The following MAGEB10 variants were observed in gnomAD, a reference collection of about 807,000 sequenced individuals.
MAGEB10 encodes the protein melanoma-associated antigen B10.
For missense variants in MAGEB10, 190 were observed against 261.9 expected (o/e 0.73, Z 1.89); for synonymous variants, 99 against 101.0 (o/e 0.98, Z 0.12).
At chrX:27,815,426 T>C (rs1923766389) in intron 1 of MAGEB10, among the ~76,000 whole-genome samples, 1 of 112,106 alleles carries the variant, frequency 8.9e-6, no homozygotes, top group South Asian at 3.7e-4. Context: ...CAAGATTTTT[T>C]CCAAGTCTGC....
At chrX:27,818,748 T>C (rs1379749207) in intron 2 of MAGEB10, among the ~76,000 whole-genome samples, 1 of 112,001 alleles carries the variant, frequency 8.9e-6, no homozygotes, top group Non-Finnish European at 1.9e-5. Context: ...CCTTATTGAA[T>C]GGACTGCAGG....
chrX:27,811,056 T>C (rs781211834), intron 1 of MAGEB10, among the ~76,000 whole-genome samples: 2 of 102,617 alleles, frequency 1.9e-5, no homozygotes, highest in South Asian at 1.0e-3. Context: ...GGTATAGGCC[T>C]CAAGTCCTCA....
Position 27,822,475 on chromosome X carries a change from T to A in MAGEB10, c.*125T>A. ...TTGTGTTAATGTTCTATGTGATGGCTTGGAATTTTTGAAGATGTTGTTCCT... is the reference window on the plus strand; with the variant it reads ...TTGTGTTAATGTTCTATGTGATGGCATGGAATTTTTGAAGATGTTGTTCCT... On this transcript the variant is annotated 3_prime_UTR_variant, in exon 3 of 3. Transcript: ENST00000356790. 1 of 656,209 alleles carries A rather than the reference T, an allele frequency of 1.5e-6. No homozygotes were observed. The highest frequency in any genetic ancestry group is 2.2e-6 in the Non-Finnish European group (1 of 447,950). The allele number at this position is 656,209 out of a possible 1,213,427, so 54.1% of individuals were successfully genotyped here. A position where few individuals can be genotyped will look rare whatever the true frequency, so the allele number is the denominator to read the frequency against.
chrX:27,821,159 G>C (rs1222102274), intron 2 of MAGEB10, 99 bp from the exon 3 acceptor site: 4 of 478,247 alleles, frequency 8.4e-6, no homozygotes, highest in Non-Finnish European at 1.4e-5. Context: ...TTTTCCTTGA[G>C]TAATGCACCA....
Position 27,821,301 on chromosome X carries a change from G to A in MAGEB10, c.-6G>A. Reference sequence around the variant, plus strand: ...TTTTTGGCTGCTGCACCTGAACAGAGTCATCATGCCTCGAGGTCAGAAGAG... The same window carrying A: ...TTTTTGGCTGCTGCACCTGAACAGAATCATCATGCCTCGAGGTCAGAAGAG... On this transcript the variant is annotated 5_prime_UTR_variant, in exon 3 of 3. Transcript: ENST00000356790. 8.3e-7 allele frequency: 1 copy of A among 1,203,942 alleles called. No individual in the cohort carries two copies.
chrX:27,812,863 C>T lies in MAGEB10; in HGVS notation c.-198-4691C>T, dbSNP rs777194435. On this transcript the variant is annotated intron_variant, in intron 1 of 2. Coordinates refer to ENST00000356790, the MANE Select transcript of MAGEB10 (RefSeq NM_182506.3). Reference sequence around the variant, plus strand: ...GCCAGAATTGCAGCCAGGGCCCGTACTGCCACCATGGCCAGTGCACGTTCC... The same window carrying T: ...GCCAGAATTGCAGCCAGGGCCCGTATTGCCACCATGGCCAGTGCACGTTCC... 1.8e-5 allele frequency: 5 copies of T among 280,417 alleles called. No homozygotes were observed. The South Asian group carries it at 2.2e-4, about 12-fold the overall frequency. The allele number at this position is 280,417 out of a possible 1,213,427, so 23.1% of individuals were successfully genotyped here.
intron 1 of MAGEB10, among the ~76,000 whole-genome samples, chrX:27,816,441 T>G (rs1301328360): frequency 8.9e-6 from 1 of 111,753 alleles, no homozygotes; most frequent in South Asian, 3.8e-4. Context: ...TGTCTGTATC[T>G]GCGCCAAGGG....
At chrX:27,810,971 T>C (rs184748699) in intron 1 of MAGEB10, among the ~76,000 whole-genome samples, 82 of 108,390 alleles carry the variant, frequency 7.6e-4, no homozygotes, top group African/African-American at 2.8e-3. Flanking sequence ...AGATTTGTCA[T>C]TCTGAACGCA....
At chrX:27,814,948 G>A (rs972983048) in intron 1 of MAGEB10, among the ~76,000 whole-genome samples, 11 of 112,291 alleles carry the variant, frequency 9.8e-5, no homozygotes, top group Non-Finnish European at 1.9e-4. Context: ...ACTAAATCCA[G>A]ATGTAATAAA....
At position 27,821,989 on chromosome X, in the gene MAGEB10, A is replaced by G; in HGVS notation, c.683A>G (p.Asn228Ser). 8.3e-7 allele frequency: 1 copy of G among 1,211,881 alleles called. No homozygotes were observed. The highest frequency in any genetic ancestry group is 1.1e-6 in the Non-Finnish European group (1 of 895,598). ...GAGGAGGAAGTCTGGAAAGTGTTTA[A>G]CACGATGGGGTTATATGACGGAATT... ...VAEEEVWKVF[N>S]TMGLYDGIEH... The change falls in exon 3 of 3, where the codon AAC becomes AGC. Residue 228 changes from asparagine (N) to serine (S), a missense_variant. Transcript: ENST00000356790.
intron 1 of MAGEB10, among the ~76,000 whole-genome samples, chrX:27,810,435 A>G (rs1923656583): frequency 9.0e-6 from 1 of 111,731 alleles, no homozygotes; most frequent in African/African-American, 3.3e-5. Flanking sequence ...CGGACACACT[A>G]TGCTCTGCCA....
In MAGEB10 at chrX:27,821,529, A is replaced by C. The variant is rs1443841378; in HGVS notation, c.223A>C (p.Thr75Pro). 8.3e-7 allele frequency: 1 copy of C among 1,210,963 alleles called. No homozygotes were observed. The highest frequency in any genetic ancestry group is 1.8e-5 in the South Asian group (1 of 56,806). The change falls in exon 3 of 3, where the codon ACA (threonine) becomes CCA (proline). Residue 75 changes from threonine to proline, a missense_variant. Thr to Pro is a conservative substitution (Grantham distance 38). Transcript: ENST00000356790. ...AGCCCAATCCACCAGCACATCTGCT[A>C]CAGCTGCTTCACACACAAGACATCC... is the stretch of plus-strand genomic sequence containing the variant. Reference protein sequence around the residue: ...REAQSTSTSATAASHTRHPEG... With the variant: ...REAQSTSTSAPAASHTRHPEG...
intron 1 of MAGEB10, among the ~76,000 whole-genome samples, 198 bp downstream of exon 1, chrX:27,808,234 T>C (rs760924793): frequency 2.7e-5 from 3 of 112,182 alleles, no homozygotes; most frequent in African/African-American, 9.7e-5. Context: ...CCACCAGAGA[T>C]TGGGGTCTTA....
intron 1 of MAGEB10, among the ~76,000 whole-genome samples, 159 bp downstream of exon 1, chrX:27,808,195 T>C (rs147978757): frequency 0.011 from 1,233 of 112,177 alleles, 9 homozygotes; most frequent in Middle Eastern, 0.037. Context: ...AGGGAAGTGA[T>C]AGCATTGGGC....
chrX:27,813,304 A>C (rs937942733), intron 1 of MAGEB10, among the ~76,000 whole-genome samples: 1 of 111,917 alleles, frequency 8.9e-6, no homozygotes, highest in African/African-American at 3.3e-5. Context: ...AAAATGTAAA[A>C]GATGATAAAT....
chrX:27,809,713 G>A (rs1923639178), intron 1 of MAGEB10, among the ~76,000 whole-genome samples: 1 of 95,544 alleles, frequency 1.0e-5, no homozygotes, highest in African/African-American at 3.9e-5. Context: ...CTCCACCTGC[G>A]GCCCCAGTGC....
At chrX:27,819,000 C>G (rs1923834776) in intron 2 of MAGEB10, among the ~76,000 whole-genome samples, 1 of 110,514 alleles carries the variant, frequency 9.0e-6, no homozygotes, top group Non-Finnish European at 1.9e-5. Context: ...AAATGAAGAC[C>G]CTGATGAAGT....
intron 2 of MAGEB10, among the ~76,000 whole-genome samples, chrX:27,820,244 C>T (rs1295110246): frequency 8.9e-6 from 1 of 111,925 alleles, no homozygotes; most frequent in Non-Finnish European, 1.9e-5. Flanking sequence ...TTTCTGAATT[C>T]CATTACTGCT....
chrX:27,810,580 C>T lies in MAGEB10; in HGVS notation c.-199+2544C>T, dbSNP rs73628840. On this transcript the variant is annotated intron_variant, in intron 1 of 2. Coordinates refer to ENST00000356790, the MANE Select transcript of MAGEB10 (RefSeq NM_182506.3). ...TGGCTGTAAGGCCCAGGTGACCCCT[C>T]GCTTCATATTCTGGTGGTGGTCGTG... is the stretch of plus-strand genomic sequence containing the variant. 7.4e-3 allele frequency among the ~76,000 whole-genome samples: 818 copies of T among 111,256 alleles called. 5 individuals carry two copies. The highest frequency in any genetic ancestry group is 0.025 in the African/African-American group (775 of 30,555).
Sources: allele counts gnomAD v4.1 joint callset (sites outside exome capture counted in the v4.1 genomes callset), GRCh38; gene constraint gnomAD v4.1.1; transcripts MANE v1.5; gene names NCBI Gene and HGNC (gene_info 2026-07-23, HGNC 2026-07-21).